RASAL2: variants seen among roughly 807,000 people sequenced by gnomAD.
RASAL2 encodes the protein ras GTPase-activating protein nGAP.
RASAL2 carries 58 observed loss-of-function variants against 128.9 expected under a neutral mutation model. That is an observed-to-expected ratio of 0.45 (90% CI 0.36 to 0.56). RASAL2 has a LOEUF of 0.56. RASAL2 is among the 20% of genes least tolerant of loss of function. RASAL2 has a pLI of 0.00. For missense variants in RASAL2, 1,360 were observed against 1,601.6 expected (o/e 0.85, Z 2.57); for synonymous variants, 561 against 580.8 (o/e 0.97, Z 0.49).
intron 1 of RASAL2, among the ~76,000 whole-genome samples, chr1:178,108,719 AT>A (rs1256519543): frequency 6.6e-6 from 1 of 152,214 alleles, no homozygotes; most frequent in East Asian, 1.9e-4. Context: ...ATGTTTGTTA[AT>A]TTGTATCCCA....
intron 3 of RASAL2, among the ~76,000 whole-genome samples, chr1:178,355,909 G>T (rs923122147): frequency 1.3e-5 from 2 of 152,164 alleles, no homozygotes; most frequent in South Asian, 4.1e-4. Flanking sequence ...GGTGGCTCAC[G>T]CCTGTAATCC....
At chr1:178,352,547 A>G (rs1264601838) in intron 3 of RASAL2, among the ~76,000 whole-genome samples, 1 of 151,936 alleles carries the variant, frequency 6.6e-6, no homozygotes, top group Non-Finnish European at 1.5e-5. Flanking sequence ...TTCCAGGTGC[A>G]GGGTGCAAGC....
At chr1:178,370,295 A>G (rs1029548078) in intron 3 of RASAL2, among the ~76,000 whole-genome samples, 2 of 152,194 alleles carry the variant, frequency 1.3e-5, no homozygotes, top group Non-Finnish European at 2.9e-5. Context: ...AAGCCGTGTC[A>G]CACCAGGAAG....
chr1:178,431,687 T>G (rs1175214678), intron 5 of RASAL2, among the ~76,000 whole-genome samples: 1 of 151,944 alleles, frequency 6.6e-6, no homozygotes, highest in African/African-American at 2.4e-5. Flanking sequence ...CATCAAGGAC[T>G]GTAAATTATT....
intron 1 of RASAL2, among the ~76,000 whole-genome samples, chr1:178,205,426 C>T (rs1329209665): frequency 6.6e-6 from 1 of 152,160 alleles, no homozygotes; most frequent in African/African-American, 2.4e-5. Context: ...AAAGCAGAGT[C>T]ATGGGTCACC....
chr1:178,381,906 C>CAAAAT (rs1672307766), intron 3 of RASAL2, among the ~76,000 whole-genome samples: 1 of 152,034 alleles, frequency 6.6e-6, no homozygotes, highest in Admixed American at 6.6e-5. Context: ...TAGTTGATGA[C>CAAAAT]AAAATAAAAC....
At chr1:178,196,121 G>A (rs1466284830) in intron 1 of RASAL2, among the ~76,000 whole-genome samples, 1 of 151,978 alleles carries the variant, frequency 6.6e-6, no homozygotes, top group Non-Finnish European at 1.5e-5. Context: ...TAAGAAATAA[G>A]GTAGGATCTT....
At chr1:178,156,538 C>T (rs1661089623) in intron 1 of RASAL2, among the ~76,000 whole-genome samples, 1 of 152,114 alleles carries the variant, frequency 6.6e-6, no homozygotes, top group Non-Finnish European at 1.5e-5. Flanking sequence ...AGAATGTCAG[C>T]TGTGCTCAGA....
intron 3 of RASAL2, among the ~76,000 whole-genome samples, chr1:178,315,417 C>G (rs1163535826): frequency 8.4e-5 from 12 of 142,552 alleles, no homozygotes; most frequent in East Asian, 4.0e-4. Context: ...CAGTGTAAAA[C>G]TGTTCCTATT....
chr1:178,107,998 C>G (rs913831847), intron 1 of RASAL2, among the ~76,000 whole-genome samples: 1 of 152,026 alleles, frequency 6.6e-6, no homozygotes, highest in African/African-American at 2.4e-5. Context: ...TATGGTTGTT[C>G]TATGTTTAGC....
At chr1:178,208,968 C>T (rs1471103926) in intron 1 of RASAL2, among the ~76,000 whole-genome samples, 1 of 151,770 alleles carries the variant, frequency 6.6e-6, no homozygotes, top group Admixed American at 6.6e-5. Context: ...CTGATAAAAT[C>T]AGGGAAAAAA....
intron 4 of RASAL2, among the ~76,000 whole-genome samples, chr1:178,407,795 C>T (rs766562739): frequency 3.3e-5 from 5 of 152,154 alleles, no homozygotes; most frequent in South Asian, 2.1e-4. Flanking sequence ...CTTAAGGGAA[C>T]GCAGCAGTGC....
intron 1 of RASAL2, among the ~76,000 whole-genome samples, chr1:178,178,070 A>G (rs560826791): frequency 6.6e-6 from 1 of 152,176 alleles, no homozygotes; most frequent in South Asian, 2.1e-4. Context: ...ATCAGTTATC[A>G]TAAGACTTGT....
intron 1 of RASAL2, among the ~76,000 whole-genome samples, chr1:178,250,648 G>A (rs538478393): frequency 5.3e-5 from 8 of 152,264 alleles, no homozygotes; most frequent in Admixed American, 2.0e-4. Context: ...CGCCTTCTGC[G>A]TTGGTCTCGC....
chr1:178,285,532 A>C (rs1666988511), intron 2 of RASAL2, among the ~76,000 whole-genome samples: 1 of 152,178 alleles, frequency 6.6e-6, no homozygotes, highest in Non-Finnish European at 1.5e-5. Context: ...CCCTACCTGT[A>C]ACCCTTTTCC....
At chr1:178,259,491 T>C (rs901600606) in intron 1 of RASAL2, among the ~76,000 whole-genome samples, 3 of 152,252 alleles carry the variant, frequency 2.0e-5, no homozygotes, top group African/African-American at 4.8e-5. Context: ...AATTGTACAC[T>C]TTAAATGGCT....
rs1021439633 is a variant in RASAL2 at position 178,337,376 on chromosome 1, G to A, written c.457+37258G>A. On this transcript the variant is annotated intron_variant, in intron 3 of 17. Coordinates refer to ENST00000367649, the MANE Select transcript of RASAL2 (RefSeq NM_170692.4). ...TAAATAAAGTTTTAATGGTATTTCT[G>A]AATAAGTGGGTGACTTTGGTGTTTG... Among the ~76,000 whole-genome samples the A allele has an allele frequency of 2.6e-5, 4 of 152,174 alleles. No individual in the cohort carries two copies. The East Asian group carries it at 5.8e-4, about 22-fold the overall frequency.
intron 1 of RASAL2, among the ~76,000 whole-genome samples, chr1:178,218,607 A>C (rs894809625): frequency 6.6e-6 from 1 of 152,256 alleles, no homozygotes; most frequent in African/African-American, 2.4e-5. Context: ...GAATTGCATG[A>C]ATCCTGGAGG....
intron 4 of RASAL2, among the ~76,000 whole-genome samples, chr1:178,412,123 A>T (rs533832276): frequency 6.6e-6 from 1 of 152,172 alleles, no homozygotes; most frequent in Admixed American, 6.5e-5. Context: ...TCAAGGAATT[A>T]TGAAGCTAGG....
Sources: allele counts gnomAD v4.1 joint callset (sites outside exome capture counted in the v4.1 genomes callset), GRCh38; gene constraint gnomAD v4.1.1; transcripts MANE v1.5; gene names NCBI Gene and HGNC (gene_info 2026-07-23, HGNC 2026-07-21).